NRG1: variants seen among roughly 807,000 people sequenced by gnomAD.
The protein encoded by NRG1 is neuregulin 1.
In NRG1, 18 loss-of-function variants were observed where a neutral mutation model predicts 63.8. That is an observed-to-expected ratio of 0.28 (90% CI 0.19 to 0.42). NRG1 has a LOEUF of 0.42. Ranked by LOEUF, NRG1 falls within the 10% of genes least tolerant of loss-of-function variation. The probability of loss-of-function intolerance (pLI) is 1.00; values close to 1 mark genes in which losing one functional copy is unlikely to be tolerated. For missense variants in NRG1, 762 were observed against 814.7 expected, an observed-to-expected ratio of 0.94 and a Z score of 0.79; for synonymous variants, 302 against 301.3, an observed-to-expected ratio of 1.00 and a Z score of -0.02.
rs535608620 is a variant in NRG1 at position 32,198,094 on chromosome 8, C to T, written c.38-397734C>T. Among the ~76,000 whole-genome samples, 9 of 152,204 alleles carry T rather than the reference C, an allele frequency of 5.9e-5. No homozygotes were observed. The South Asian group carries it at 1.0e-3, about 17-fold the overall frequency. ...TGGCTAGTTGAACAACAACAATGCT[C>T]ATATTTATGCCAATTGGCAGGACCA... On this transcript the variant is annotated intron_variant, in intron 1 of 10. Transcript: ENST00000519301.
At chr8:32,567,809 G>A (rs537095231) in intron 1 of NRG1, among the ~76,000 whole-genome samples, 1 of 152,372 alleles carries the variant, frequency 6.6e-6, no homozygotes, top group South Asian at 2.1e-4. Flanking sequence ...GTCAACACAA[G>A]CGTCTTTGCT....
intron 1 of NRG1, among the ~76,000 whole-genome samples, chr8:31,674,613 T>G (rs1807493045): frequency 6.6e-6 from 1 of 152,086 alleles, no homozygotes; most frequent in African/African-American, 2.4e-5. Context: ...TTCTTGAGGC[T>G]TACTCAAGAT....
chr8:32,476,306 T>C (rs1203161733), intron 1 of NRG1, among the ~76,000 whole-genome samples: 2 of 152,118 alleles, frequency 1.3e-5, no homozygotes, highest in East Asian at 1.9e-4. Context: ...AAAGGGATGA[T>C]TCATTCTTCA....
Position 32,211,740 on chromosome 8 carries a change from C to G in NRG1, c.38-384088C>G, listed in dbSNP as rs146602708. On this transcript the variant is annotated intron_variant, in intron 1 of 10. Transcript: ENST00000519301. ...CCTCTACTCTATTACTGCCTTTTAT[C>G]CTTGATTATAGTTTCTTCCATCACA... Among the ~76,000 whole-genome samples, 371 of 152,180 alleles carry G rather than the reference C, an allele frequency of 2.4e-3. 2 individuals carry two copies. Among genetic ancestry groups the G allele is most frequent in the African/African-American group, 8.5e-3 (353 of 41,512 alleles).
chr8:31,730,227 G>A (rs1048420822), intron 1 of NRG1, among the ~76,000 whole-genome samples: 1 of 152,166 alleles, frequency 6.6e-6, no homozygotes, highest in African/African-American at 2.4e-5. Context: ...TCTGATAATT[G>A]TTGAGGAAGT....
At chr8:31,989,768 A>G (rs886180641) in intron 1 of NRG1, among the ~76,000 whole-genome samples, 2 of 152,088 alleles carry the variant, frequency 1.3e-5, no homozygotes, top group African/African-American at 4.8e-5. Flanking sequence ...ACCTTTGGCA[A>G]TCATGGTATT....
At chr8:32,027,466 T>TTCCCTCCTTCCCTCCCTCCCTCCC (rs1817620621) in intron 1 of NRG1, among the ~76,000 whole-genome samples, 1 of 60,860 alleles carries the variant, frequency 1.6e-5, no homozygotes, top group African/African-American at 8.0e-5. Flanking sequence ...CCTTCCTTCC[T>TTCCCTCCTTCCCTCCCTCCCTCCC]TCCCTCCCTC....
At chr8:32,264,284 C>A (rs980473773) in intron 1 of NRG1, among the ~76,000 whole-genome samples, 1 of 151,638 alleles carries the variant, frequency 6.6e-6, no homozygotes, top group Non-Finnish European at 1.5e-5. Context: ...TTAAAGTAGT[C>A]ACATAAATAT....
chr8:32,187,095 G>T (rs547226487), intron 1 of NRG1, among the ~76,000 whole-genome samples: 2 of 152,154 alleles, frequency 1.3e-5, no homozygotes, highest in Non-Finnish European at 2.9e-5. Context: ...GGACATCCAT[G>T]GCTGTAATTT....
At chr8:32,024,059 C>T (rs1210924932) in intron 1 of NRG1, among the ~76,000 whole-genome samples, 1 of 152,146 alleles carries the variant, frequency 6.6e-6, no homozygotes, top group Non-Finnish European at 1.5e-5. Flanking sequence ...TCTTTCAGGT[C>T]CTTTTTGGGA....
At chr8:32,510,864 C>T (rs2129500540) in intron 1 of NRG1, among the ~76,000 whole-genome samples, 1 of 151,798 alleles carries the variant, frequency 6.6e-6, no homozygotes, top group African/African-American at 2.4e-5. Context: ...AGGTCTTCGT[C>T]TTCTCAACTT....
chr8:31,966,893 T>C (rs1163224337), intron 1 of NRG1, among the ~76,000 whole-genome samples: 4 of 152,182 alleles, frequency 2.6e-5, no homozygotes, highest in Non-Finnish European at 5.9e-5. Flanking sequence ...AAAGTCAACT[T>C]CGGTTCTGCC....
chr8:32,339,781 A>T (rs764836723), intron 1 of NRG1, among the ~76,000 whole-genome samples: 1 of 152,168 alleles, frequency 6.6e-6, no homozygotes, highest in Non-Finnish European at 1.5e-5. Flanking sequence ...CTTTCTCCAG[A>T]GTTTATCTTT....
chr8:31,910,328 C>T (rs746214675), intron 1 of NRG1, among the ~76,000 whole-genome samples: 10 of 152,220 alleles, frequency 6.6e-5, no homozygotes, highest in East Asian at 1.9e-4. Context: ...GAGACAGAGG[C>T]GGGATCTAGA....
chr8:32,537,062 G>T (rs567682805), intron 1 of NRG1, among the ~76,000 whole-genome samples: 1 of 150,740 alleles, frequency 6.6e-6, no homozygotes, highest in African/African-American at 2.4e-5. Flanking sequence ...AAAATTGGCC[G>T]GGTGTAGTGG....
chr8:32,437,221 T>C (rs775306845), intron 1 of NRG1, among the ~76,000 whole-genome samples: 1 of 152,044 alleles, frequency 6.6e-6, no homozygotes, highest in African/African-American at 2.4e-5. Flanking sequence ...GCCTAGGTAG[T>C]CTTGAAAAAC....
chr8:32,111,539 A>G (rs1012945762), intron 1 of NRG1, among the ~76,000 whole-genome samples: 1 of 152,178 alleles, frequency 6.6e-6, no homozygotes, highest in African/African-American at 2.4e-5. Context: ...TGTCTAGCAG[A>G]CTTGCTAGTC....
chr8:32,672,805 A>G (rs1022886193), intron 5 of NRG1, among the ~76,000 whole-genome samples: 3 of 152,136 alleles, frequency 2.0e-5, no homozygotes, highest in African/African-American at 7.2e-5. Context: ...TGTTGTTGTT[A>G]TGTTCTCTGA....
intron 1 of NRG1, among the ~76,000 whole-genome samples, chr8:32,294,091 C>G (rs1854553893): frequency 6.6e-6 from 1 of 152,120 alleles, no homozygotes; most frequent in East Asian, 1.9e-4. Flanking sequence ...CCAAATCCCA[C>G]TCTAAAAATT....
Sources: allele counts gnomAD v4.1 joint callset (sites outside exome capture counted in the v4.1 genomes callset), GRCh38; gene constraint gnomAD v4.1.1; transcripts MANE v1.5; gene names NCBI Gene and HGNC (gene_info 2026-07-23, HGNC 2026-07-21).